ZNF543: variants seen among roughly 807,000 people sequenced by gnomAD.
ZNF543 encodes zinc finger protein 543.
ZNF543 carries 10 observed loss-of-function variants against 13.4 expected under a neutral mutation model. The ratio of observed to expected loss-of-function variants is 0.75; its 90% CI spans 0.46 to 1.26. The LOEUF (loss-of-function observed/expected upper bound fraction) is 1.26, where lower values mean the gene tolerates loss of function less well. ZNF543 is among the 50% of genes most tolerant of loss of function. The probability of loss-of-function intolerance (pLI) is 0.00; values close to 1 mark genes in which losing one functional copy is unlikely to be tolerated. For synonymous variants in ZNF543, 272 were observed against 264.7 expected, an observed-to-expected ratio of 1.03 and a Z score of -0.27; for missense variants, 768 against 741.2, an observed-to-expected ratio of 1.04 and a Z score of -0.42.
chr19:57,328,704 A>T lies in ZNF543; in HGVS notation c.1242A>T (p.Gln414His). The change falls in exon 4 of 4, where the codon CAA becomes CAT. Residue 414 changes from glutamine (Q) to histidine (H), a missense_variant. Around this residue, in one of 3 missense-constraint regions of ZNF543, gnomAD observed 677 missense variants for 631.4 expected, o/e 1.07. Coordinates refer to ENST00000321545, the MANE Select transcript of ZNF543 (RefSeq NM_213598.4). The stretch of plus-strand genomic sequence containing the variant: ...GTAGGTCACACCTCAAGCAGCATCA[A>T]CGGATTCACACTGGGGAGAAGCCTT... ...FNRRSHLKQH[Q>H]RIHTGEKPYE... The T allele has an allele frequency of 6.2e-7, 1 of 1,612,518 alleles. No homozygotes were observed. Among genetic ancestry groups the T allele is most frequent in the Non-Finnish European group, 8.5e-7 (1 of 1,179,534 alleles).
rs2088148589 is a variant in ZNF543 at position 57,329,425 on chromosome 19, TGA to T, written c.*167_*168del. ...TATTCTCCACCTGAGAATTCACCCA[TGA>T]GAGAGACCCAGTGGTTGCTATGCAC... On this transcript the variant is annotated 3_prime_UTR_variant, in exon 4 of 4. Coordinates refer to ENST00000321545, the MANE Select transcript of ZNF543 (RefSeq NM_213598.4). 1.0e-6 allele frequency: 1 copy of T among 953,084 alleles called. No individual in the cohort carries two copies. Among genetic ancestry groups the T allele is most frequent in the Non-Finnish European group, 1.5e-6 (1 of 656,180 alleles). 59.0% of individuals were successfully genotyped at this position (953,084 alleles called of 1,614,324 possible).
chr19:57,322,482 C>A (rs1265929679), intron 1 of ZNF543, among the ~76,000 whole-genome samples: 119 of 128,440 alleles, frequency 9.3e-4, no homozygotes, highest in African/African-American at 9.8e-4. Context: ...GACCCTGTCT[C>A]AAAAAAAAAA....
Position 57,320,702 on chromosome 19 carries a change from C to A in ZNF543, c.-152C>A. ...CCGCCCTCCGTCTCCTCAGCCCCGACGCTGCGCCCGCTTTGTGCGCATTTT... is the reference window on the plus strand; with the variant it reads ...CCGCCCTCCGTCTCCTCAGCCCCGAAGCTGCGCCCGCTTTGTGCGCATTTT... On this transcript the variant is annotated 5_prime_UTR_variant, in exon 1 of 4. Transcript: ENST00000321545. 1 of 969,526 alleles carries A rather than the reference C, an allele frequency of 1.0e-6. No homozygotes were observed. The highest frequency in any genetic ancestry group is 1.5e-6 in the Non-Finnish European group (1 of 681,474). The allele number at this position is 969,526 out of a possible 1,614,324, so 60.1% of individuals were successfully genotyped here.
rs1047663420 is a variant in ZNF543 at position 57,320,554 on chromosome 19, C to T, written c.-300C>T. 4 of 404,410 alleles carry T rather than the reference C, an allele frequency of 9.9e-6. No homozygotes were observed. Among genetic ancestry groups the T allele is most frequent in the Non-Finnish European group, 1.8e-5 (4 of 221,518 alleles). 25.1% of individuals were successfully genotyped at this position (404,410 alleles called of 1,614,324 possible). ...CCGCTGGGTAGGCGCGTCCAGCGGC[C>T]TGAGCAGGGGAGGGTAATGAGGCTG... On this transcript the variant is annotated 5_prime_UTR_variant, in exon 1 of 4. Coordinates refer to ENST00000321545, the MANE Select transcript of ZNF543 (RefSeq NM_213598.4).
Position 57,330,353 on chromosome 19 carries a change from C to T in ZNF543, c.*1088C>T, listed in dbSNP as rs899900707. The T allele has an allele frequency of 1.3e-5, 2 of 149,852 alleles. No individual in the cohort carries two copies. Among genetic ancestry groups the T allele is most frequent in the Admixed American group, 1.3e-4 (2 of 15,022 alleles). The allele number at this position is 149,852 out of a possible 1,614,324, so 9.3% of individuals were successfully genotyped here. ...TAATCCTGGGAATCTTAGTTTTTTC[C>T]TATGATTGTGGTTTCTCAGCTTCTT... On this transcript the variant is annotated 3_prime_UTR_variant, in exon 4 of 4. Transcript: ENST00000321545.
In ZNF543 at chr19:57,328,511, G is replaced by C. The variant is rs753036148; in HGVS notation, c.1049G>C (p.Arg350Pro). ...ECIECGKAFN[R>P]RSYLTWHQQI... The stretch of plus-strand genomic sequence containing the variant: ...ATTGAGTGTGGGAAGGCCTTCAACC[G>C]CCGGTCATACCTCACGTGGCACCAA... Residue 350 changes from arginine (R) to proline (P), a missense_variant, in exon 4 of 4, where the codon CGC (arginine) becomes CCC (proline). This residue lies in a region of ZNF543 where 677 missense variants were observed against 631.4 expected (regional missense o/e 1.07). Coordinates refer to ENST00000321545, the MANE Select transcript of ZNF543 (RefSeq NM_213598.4). 3 of 1,614,130 alleles carry C rather than the reference G, an allele frequency of 1.9e-6. No homozygotes were observed. The Admixed American group carries it at 5.0e-5, about 27-fold the overall frequency.
rs1351854911 is a variant in ZNF543, at chr19:57,330,321, C to T, written c.*1056C>T. On this transcript the variant is annotated 3_prime_UTR_variant, in exon 4 of 4. Transcript: ENST00000321545. ...AGGGATGATAGTGTAATTGTTCATG[C>T]CCACAGTAATCCTGGGAATCTTAGT... 6.6e-6 allele frequency: 1 copy of T among 150,920 alleles called. No homozygotes were observed. The highest frequency in any genetic ancestry group is 2.4e-5 in the African/African-American group (1 of 40,980). 9.3% of individuals were successfully genotyped at this position (150,920 alleles called of 1,614,324 possible).
At chr19:57,325,762 G>C (rs1378544849) in intron 2 of ZNF543, among the ~76,000 whole-genome samples, 1 of 152,098 alleles carries the variant, frequency 6.6e-6, no homozygotes, top group East Asian at 1.9e-4. Context: ...ATTTGCCCTA[G>C]CTGGTCTCAG....
At position 57,328,152 on chromosome 19, in the gene ZNF543, A is replaced by G. The variant is rs1230999552; in HGVS notation, c.690A>G (p.Thr230=). The G allele has an allele frequency of 6.2e-7, 1 of 1,614,216 alleles. No individual in the cohort carries two copies. The highest frequency in any genetic ancestry group is 1.7e-5 in the Admixed American group (1 of 60,028). The part of the protein sequence containing the change: ...IHTQVKPYEC[T]ECGKTFSKST... ...CTCAAGTGAAGCCCTATGAATGCAC[A>G]GAGTGTGGGAAAACCTTTAGCAAGA... The change falls in exon 4 of 4, where the codon ACA becomes ACG. Residue 230 remains threonine (T), a synonymous_variant. Transcript: ENST00000321545.
At chr19:57,320,899 G>T (rs2088086311) in intron 1 of ZNF543, 28 bp downstream of exon 1, 1 of 1,613,944 alleles carries the variant, frequency 6.2e-7, no homozygotes. Flanking sequence ...TGGCCTTGCT[G>T]CTGCTCTGCT....
At chr19:57,326,863 GC>G (rs752772288) in intron 3 of ZNF543, 135 bp downstream of exon 3, 27 of 579,756 alleles carry the variant, frequency 4.7e-5, no homozygotes, top group Non-Finnish European at 6.7e-5. Context: ...GCCTCTCCCC[GC>G]CCGCCCCCCC....
Position 57,324,626 on chromosome 19 carries a change from G to A in ZNF543, c.145+818G>A, listed in dbSNP as rs111616680. Among the ~76,000 whole-genome samples the A allele has an allele frequency of 4.6e-3, 704 of 152,282 alleles. 7 individuals carry two copies. The highest frequency in any genetic ancestry group is 0.016 in the African/African-American group (646 of 41,558). ...ATGACTAGACTCAGGTGTACATTTT[G>A]GCTTGGCCATTCGCCATTTCCCAGA... On this transcript the variant is annotated intron_variant, in intron 2 of 3. Coordinates refer to ENST00000321545, the MANE Select transcript of ZNF543 (RefSeq NM_213598.4).
Position 57,320,566 on chromosome 19 carries a change from G to C in ZNF543, c.-288G>C. 1 of 462,814 alleles carries C rather than the reference G, an allele frequency of 2.2e-6. No individual in the cohort carries two copies. The highest frequency in any genetic ancestry group is 3.9e-6 in the Non-Finnish European group (1 of 256,190). 28.7% of individuals were successfully genotyped at this position (462,814 alleles called of 1,614,324 possible). On this transcript the variant is annotated 5_prime_UTR_variant, in exon 1 of 4. Coordinates refer to ENST00000321545, the MANE Select transcript of ZNF543 (RefSeq NM_213598.4). ...CGCGTCCAGCGGCCTGAGCAGGGGA[G>C]GGTAATGAGGCTGTTACGCGCCTTC...
chr19:57,328,966 A>G lies in ZNF543; in HGVS notation c.1504A>G (p.Thr502Ala), dbSNP rs530382881. 101 of 1,614,230 alleles carry G rather than the reference A, an allele frequency of 6.3e-5. 1 individual carries two copies. The South Asian group carries it at 1.0e-3, about 16-fold the overall frequency. ...CCTCACGAGGCACCAACAGATTCACACTGGAGAGAAACCCTATGAATGCAT... is the reference window on the plus strand; with the variant it reads ...CCTCACGAGGCACCAACAGATTCACGCTGGAGAGAAACCCTATGAATGCAT... ...SHLTRHQQIH[T>A]GEKPYECIQC... The change falls in exon 4 of 4, where the codon ACT (threonine) becomes GCT (alanine). Residue 502 changes from threonine (T) to alanine (A), a missense_variant. Transcript: ENST00000321545.
In ZNF543 at chr19:57,329,155, G is replaced by T; in HGVS notation, c.1693G>T (p.Val565Leu). 5.6e-6 allele frequency: 9 copies of T among 1,614,218 alleles called. No homozygotes were observed. Among genetic ancestry groups the T allele is most frequent in the Non-Finnish European group, 7.6e-6 (9 of 1,180,032 alleles). ...RIHTGRNPTIVTDVGRPFMTA... is the reference protein window; with the variant it reads ...RIHTGRNPTILTDVGRPFMTA... ...TCATACTGGGAGAAACCCTACCATT[G>T]TAACAGATGTGGGAAGACCTTTTAT... Residue 565 changes from valine (V) to leucine (L), a missense_variant, in exon 4 of 4, where the codon GTA becomes TTA. This residue lies in a region of ZNF543 where 677 missense variants were observed against 631.4 expected (regional missense o/e 1.07). Coordinates refer to ENST00000321545, the MANE Select transcript of ZNF543 (RefSeq NM_213598.4).
intron 2 of ZNF543, 106 bp from the exon 3 acceptor site, chr19:57,326,527 A>C: frequency 1.2e-6 from 1 of 805,402 alleles, no homozygotes. Flanking sequence ...TTGGCTGAGA[A>C]TAGCTTCACT....
intron 1 of ZNF543, among the ~76,000 whole-genome samples, chr19:57,322,499 A>AAAT (rs2088096167): frequency 6.6e-6 from 1 of 151,568 alleles, no homozygotes; most frequent in Non-Finnish European, 1.5e-5. Context: ...AAAAAAAAAA[A>AAAT]TCCTGAAAAT....
chr19:57,323,472 G>A (rs763587088), intron 1 of ZNF543: 8 of 551,426 alleles, frequency 1.5e-5, no homozygotes, highest in African/African-American at 3.8e-5. Flanking sequence ...GATTACAGGC[G>A]TGAGCCACCG....
chr19:57,329,116 C>T lies in ZNF543; in HGVS notation c.1654C>T (p.His552Tyr). The change falls in exon 4 of 4, where the codon CAT becomes TAT. Residue 552 changes from histidine to tyrosine, a missense_variant. His to Tyr is a moderately conservative substitution (Grantham distance 83). Around this residue, in one of 3 missense-constraint regions of ZNF543, gnomAD observed 677 missense variants for 631.4 expected, o/e 1.07. Coordinates refer to ENST00000321545, the MANE Select transcript of ZNF543 (RefSeq NM_213598.4). Reference protein sequence around the residue: ...KAFNRGSSLTHHQRIHTGRNP... With the variant: ...KAFNRGSSLTYHQRIHTGRNP... ...TTTTAATCGCGGCTCATCCCTCACA[C>T]ATCATCAAAGGATTCATACTGGGAG... 6.2e-7 allele frequency: 1 copy of T among 1,614,238 alleles called. No homozygotes were observed. Among genetic ancestry groups the T allele is most frequent in the Non-Finnish European group, 8.5e-7 (1 of 1,180,046 alleles).
Sources: gnomAD v4.1 joint callset for allele counts (sites outside exome capture counted in the v4.1 genomes callset) on GRCh38, gnomAD v4.1.1 for gene constraint, gnomAD v4.1.1 regional missense constraint, MANE v1.5 for transcripts, NCBI Gene and HGNC (gene_info 2026-07-23, HGNC 2026-07-21) for gene names.